The following NPAT variants were observed in gnomAD, a reference collection of about 807,000 sequenced individuals.
NPAT encodes protein NPAT.
In NPAT, 52 loss-of-function variants were observed where a neutral mutation model predicts 130.7. The ratio of observed to expected loss-of-function variants is 0.40; its 90% CI spans 0.32 to 0.50. NPAT has a LOEUF of 0.50. Ranked by LOEUF, NPAT falls within the 20% of genes least tolerant of loss-of-function variation. The probability of loss-of-function intolerance (pLI) is 0.68; values close to 1 mark genes in which losing one functional copy is unlikely to be tolerated. For missense variants in NPAT, 1,687 were observed against 1,662.6 expected (o/e 1.01, Z -0.26); for synonymous variants, 580 against 584.8 (o/e 0.99, Z 0.12).
At position 108,158,782 on chromosome 11, in the gene NPAT, G is replaced by T; in HGVS notation, c.*160C>A. The T allele has an allele frequency of 1.7e-6, 1 of 582,050 alleles. No homozygotes were observed. The highest frequency in any genetic ancestry group is 2.0e-5 in the South Asian group (1 of 50,446). 36.1% of individuals were successfully genotyped at this position (582,050 alleles called of 1,614,324 possible). A position where few individuals can be genotyped will look rare whatever the true frequency, so the allele number is the denominator to read the frequency against. Reference sequence around the variant, plus strand: ...ACCAAGTAAGTCTATTTACAAACTAGGAAGCTGTTTCAGAAACAGCATGAT... The same window carrying T: ...ACCAAGTAAGTCTATTTACAAACTATGAAGCTGTTTCAGAAACAGCATGAT... On this transcript the variant is annotated 3_prime_UTR_variant, in exon 18 of 18. Coordinates refer to ENST00000278612, the MANE Select transcript of NPAT (RefSeq NM_002519.3).
intron 2 of NPAT, among the ~76,000 whole-genome samples, chr11:108,194,304 T>C (rs371897500): frequency 2.6e-5 from 4 of 152,172 alleles, no homozygotes; most frequent in East Asian, 1.9e-4. Flanking sequence ...CAAATGCATA[T>C]ACACAAGCAT....
At chr11:108,216,725 G>A (rs2078438756) in intron 1 of NPAT, among the ~76,000 whole-genome samples, 1 of 151,946 alleles carries the variant, frequency 6.6e-6, no homozygotes, top group Non-Finnish European at 1.5e-5. Context: ...CATGAGATGG[G>A]GCTGTTAAAA....
chr11:108,177,771 A>C (rs1247011997), intron 10 of NPAT, among the ~76,000 whole-genome samples: 1 of 152,096 alleles, frequency 6.6e-6, no homozygotes, highest in East Asian at 1.9e-4. Context: ...GCTGGAGTGG[A>C]ATGCAGTGGC....
chr11:108,183,081 A>T (rs1428755613), intron 10 of NPAT, among the ~76,000 whole-genome samples: 2 of 152,166 alleles, frequency 1.3e-5, no homozygotes, highest in Non-Finnish European at 2.9e-5. Context: ...CCCAGGCTCA[A>T]GTGATCCTCC....
intron 12 of NPAT, among the ~76,000 whole-genome samples, chr11:108,174,345 T>A (rs1454395345): frequency 3.3e-5 from 5 of 152,176 alleles, no homozygotes; most frequent in Non-Finnish European, 7.3e-5. Context: ...GATCTCATTG[T>A]GTACTGTTTA....
At chr11:108,170,697 C>G (rs2077942427) in intron 13 of NPAT, among the ~76,000 whole-genome samples, 2 of 152,188 alleles carry the variant, frequency 1.3e-5, no homozygotes, top group Non-Finnish European at 2.9e-5. Context: ...ATGCAACCTA[C>G]TACGGTCTCT....
intron 6 of NPAT, 58 bp from the exon 7 acceptor site, chr11:108,188,237 G>T: frequency 1.6e-6 from 2 of 1,237,750 alleles, no homozygotes; most frequent in Non-Finnish European, 2.4e-6. Flanking sequence ...TTCTAAACTT[G>T]TAATGGGATA....
At chr11:108,190,309 T>G (rs1212419967) in intron 5 of NPAT, 151 bp downstream of exon 5, 2 of 520,682 alleles carry the variant, frequency 3.8e-6, no homozygotes, top group African/African-American at 8.7e-5. Flanking sequence ...CGAGACACTG[T>G]CTCAAAAAAA....
rs757369349 is a variant in NPAT, at chr11:108,172,711, C to A, written c.2273G>T (p.Ser758Ile). ...TTCTCCATTAATACTAGAAACAGCA[C>A]TGGTAAGTTCAGTATCTGAGGAAAC... ...PFVSSDTELT[S>I]AVSSINGENL... is the part of the protein sequence containing the mutation. The change falls in exon 13 of 18, where the codon AGT (serine) becomes ATT (isoleucine). Residue 758 changes from serine to isoleucine, a missense_variant. This residue lies in a region of NPAT where 1,379 missense variants were observed against 1,346.6 expected (regional missense o/e 1.02). Transcript: ENST00000278612. The A allele has an allele frequency of 1.2e-6, 2 of 1,613,534 alleles. No homozygotes were observed.
At chr11:108,183,194 C>T (rs947008649) in intron 10 of NPAT, among the ~76,000 whole-genome samples, 1 of 152,072 alleles carries the variant, frequency 6.6e-6, no homozygotes, top group Non-Finnish European at 1.5e-5. Context: ...ATTATGTTGT[C>T]CAGGCTGGTC....
At chr11:108,185,033 T>G (rs1420286992) in intron 10 of NPAT, among the ~76,000 whole-genome samples, 199 bp downstream of exon 10, 1 of 152,222 alleles carries the variant, frequency 6.6e-6, no homozygotes, top group Non-Finnish European at 1.5e-5. Context: ...TAAGTCATCA[T>G]CCAATGTGTT....
intron 12 of NPAT, among the ~76,000 whole-genome samples, chr11:108,175,118 T>A (rs1362257929): frequency 1.3e-5 from 2 of 152,192 alleles, no homozygotes; most frequent in Non-Finnish European, 2.9e-5. Context: ...AATAGGTGAG[T>A]ACAGTACAAT....
intron 1 of NPAT, among the ~76,000 whole-genome samples, chr11:108,215,398 AG>A (rs1383144657): frequency 1.3e-5 from 2 of 152,210 alleles, no homozygotes; most frequent in African/African-American, 4.8e-5. Flanking sequence ...GAGGAGGTAG[AG>A]GATCAGGAAA....
At chr11:108,169,436 C>T (rs570351544) in intron 15 of NPAT, among the ~76,000 whole-genome samples, 4 of 152,108 alleles carry the variant, frequency 2.6e-5, no homozygotes, top group African/African-American at 2.4e-5. Flanking sequence ...TACAATTATA[C>T]GAGGCATTCA....
chr11:108,189,782 ATGGCG>A (rs905264290), intron 5 of NPAT, among the ~76,000 whole-genome samples: 3 of 150,140 alleles, frequency 2.0e-5, no homozygotes, highest in Admixed American at 1.3e-4. Context: ...AGGCAGGAGA[ATGGCG>A]TGAACCCGGG....
chr11:108,203,623 T>C (rs575816399), intron 1 of NPAT, among the ~76,000 whole-genome samples: 2 of 152,286 alleles, frequency 1.3e-5, no homozygotes, highest in South Asian at 4.1e-4. Flanking sequence ...CTTTATAGTC[T>C]CTCCTAGGCT....
intron 1 of NPAT, among the ~76,000 whole-genome samples, chr11:108,218,443 C>T (rs190542202): frequency 7.2e-5 from 11 of 152,192 alleles, no homozygotes; most frequent in Admixed American, 5.2e-4. Flanking sequence ...TTTATTATTT[C>T]CTAGAAAGAT....
Position 108,192,103 on chromosome 11 carries a change from C to A in NPAT, c.290+15G>T. ...GCATTCCAAAATCATTAGGCACATT[C>A]TAATAGCTTATTACCTGATCTGAGA... On this transcript the variant is annotated intron_variant, in intron 4 of 17. Coordinates refer to ENST00000278612, the MANE Select transcript of NPAT (RefSeq NM_002519.3). The A allele has an allele frequency of 6.5e-7, 1 of 1,547,472 alleles. No homozygotes were observed. Among genetic ancestry groups the A allele is most frequent in the Non-Finnish European group, 8.9e-7 (1 of 1,119,230 alleles).
intron 1 of NPAT, among the ~76,000 whole-genome samples, chr11:108,215,346 A>G (rs529857068): frequency 7.2e-5 from 11 of 152,328 alleles, no homozygotes; most frequent in Non-Finnish European, 1.3e-4. Flanking sequence ...GGGCACATAA[A>G]GGGAACAACA....
Sources: gnomAD v4.1 joint callset for allele counts (sites outside exome capture counted in the v4.1 genomes callset) on GRCh38, gnomAD v4.1.1 for gene constraint, gnomAD v4.1.1 regional missense constraint, MANE v1.5 for transcripts, NCBI Gene and HGNC (gene_info 2026-07-23, HGNC 2026-07-21) for gene names.